Variants in LUZP2 observed in about 807,000 individuals in gnomAD.
LUZP2 encodes the protein leucine zipper protein 2.
Under a neutral mutation model 51.6 loss-of-function variants are expected in LUZP2, and 52 were observed. The ratio of observed to expected loss-of-function variants is 1.01; its 90% CI spans 0.81 to 1.27. The LOEUF (loss-of-function observed/expected upper bound fraction) is 1.27. Among genes scored for constraint, LUZP2 ranks in the 50% most tolerant of loss-of-function variants. The probability of loss-of-function intolerance (pLI) is 0.00; values close to 1 mark genes in which losing one functional copy is unlikely to be tolerated. For synonymous variants in LUZP2, 154 were observed against 137.3 expected, an observed-to-expected ratio of 1.12 and a Z score of -0.85; for missense variants, 436 against 395.4, an observed-to-expected ratio of 1.10 and a Z score of -0.87.
chr11:25,074,793 G>A lies in LUZP2; in HGVS notation c.859-2536G>A, dbSNP rs545796803. On this transcript the variant is annotated intron_variant, in intron 10 of 11. Coordinates refer to ENST00000336930, the MANE Select transcript of LUZP2 (RefSeq NM_001009909.4). Reference sequence around the variant, plus strand: ...TATAGGACAGAATTATCACCCTGGTGTGTTTTTTTAGCAGTCACCTCCTGT... The same window carrying A: ...TATAGGACAGAATTATCACCCTGGTATGTTTTTTTAGCAGTCACCTCCTGT... Among the ~76,000 whole-genome samples, 25 of 152,218 alleles carry A rather than the reference G, an allele frequency of 1.6e-4. No individual in the cohort carries two copies. In the South Asian group the frequency reaches 4.8e-3, roughly 29 times the overall value.
intron 1 of LUZP2, among the ~76,000 whole-genome samples, chr11:24,692,051 T>C (rs1857085325): frequency 6.6e-6 from 1 of 152,082 alleles, no homozygotes; most frequent in African/African-American, 2.4e-5. Context: ...ATATAGATTA[T>C]TTCTGAATAG....
At position 24,655,889 on chromosome 11, in the gene LUZP2, G is replaced by A. The variant is rs745369271; in HGVS notation, c.63-73280G>A. On this transcript the variant is annotated intron_variant, in intron 1 of 11. Transcript: ENST00000336930. ...TGGGCATTTGGTAAGTGAGATACGAGTATGATAGCTCTGTTTTTCCCTAAC... is the reference window on the plus strand; with the variant it reads ...TGGGCATTTGGTAAGTGAGATACGAATATGATAGCTCTGTTTTTCCCTAAC... Among the ~76,000 whole-genome samples the A allele has an allele frequency of 2.6e-5, 4 of 152,304 alleles. No homozygotes were observed. The East Asian group carries it at 7.7e-4, about 29-fold the overall frequency.
At chr11:24,799,045 G>T (rs189671331) in intron 5 of LUZP2, among the ~76,000 whole-genome samples, 6 of 152,232 alleles carry the variant, frequency 3.9e-5, no homozygotes, top group Admixed American at 2.0e-4. Flanking sequence ...TGTAGAGAAA[G>T]CTGTTTTATA....
intron 1 of LUZP2, among the ~76,000 whole-genome samples, chr11:24,684,938 T>C (rs1856852512): frequency 6.6e-6 from 1 of 152,146 alleles, no homozygotes; most frequent in Non-Finnish European, 1.5e-5. Context: ...TGGGAGTGTT[T>C]TCCCTCATTT....
chr11:24,518,844 GA>G (rs1850556434), intron 1 of LUZP2, among the ~76,000 whole-genome samples: 1 of 152,184 alleles, frequency 6.6e-6, no homozygotes, highest in Non-Finnish European at 1.5e-5. Context: ...CTTTTATAGA[GA>G]AAGTTTCTAT....
intron 9 of LUZP2, among the ~76,000 whole-genome samples, chr11:25,026,381 G>C (rs890139022): frequency 5.9e-5 from 9 of 152,018 alleles, no homozygotes; most frequent in Admixed American, 2.0e-4. Flanking sequence ...AAAATTGAAT[G>C]CTTAACATTT....
At chr11:24,956,344 A>G (rs996791999) in intron 7 of LUZP2, among the ~76,000 whole-genome samples, 32 of 152,042 alleles carry the variant, frequency 2.1e-4, no homozygotes, top group African/African-American at 7.5e-4. Context: ...GATTGCTGAC[A>G]CCTTGACTTT....
intron 1 of LUZP2, among the ~76,000 whole-genome samples, chr11:24,668,141 A>G (rs1856277820): frequency 6.6e-6 from 1 of 152,230 alleles, no homozygotes; most frequent in South Asian, 2.1e-4. Context: ...TGCATAGTGC[A>G]TATGAAAGTT....
Position 25,036,999 on chromosome 11 carries a change from G to A in LUZP2, c.766-13039G>A, listed in dbSNP as rs77518366. The stretch of plus-strand genomic sequence containing the variant: ...TAGACAAGCGTCAAGTTTTAGACTA[G>A]AATCTCTTTTTTAGCTTTCTGCCTC... On this transcript the variant is annotated intron_variant, in intron 9 of 11. Transcript: ENST00000336930. Among the ~76,000 whole-genome samples the A allele has an allele frequency of 9.6e-3, 1,458 of 152,228 alleles. 22 individuals carry two copies. The highest frequency in any genetic ancestry group is 0.033 in the African/African-American group (1,391 of 41,556).
chr11:25,019,040 T>C (rs12360600), intron 9 of LUZP2, among the ~76,000 whole-genome samples: 88,564 of 151,680 alleles, frequency 0.58, 27,044 homozygotes, highest in African/African-American at 0.77. Context: ...TTATCAACAT[T>C]TTACGCCAGA....
intron 1 of LUZP2, among the ~76,000 whole-genome samples, chr11:24,676,148 C>T (rs1856543963): frequency 1.3e-5 from 2 of 152,054 alleles, no homozygotes; most frequent in Admixed American, 6.6e-5. Flanking sequence ...GAAAAATCAA[C>T]ACAATGCTAA....
intron 1 of LUZP2, among the ~76,000 whole-genome samples, chr11:24,728,696 C>G (rs528016636): frequency 1.3e-5 from 2 of 152,070 alleles, no homozygotes; most frequent in South Asian, 4.1e-4. Context: ...TCTCCTGCTC[C>G]CCAGTTAGAA....
rs560094823 is a variant in LUZP2 at position 25,049,385 on chromosome 11, C to T, written c.766-653C>T. ...TGGATAATCTTAAACCTACCTATAGCGGTATTTCTATACAACAATTAGGGC... is the reference window on the plus strand; with the variant it reads ...TGGATAATCTTAAACCTACCTATAGTGGTATTTCTATACAACAATTAGGGC... On this transcript the variant is annotated intron_variant, in intron 9 of 11. Coordinates refer to ENST00000336930, the MANE Select transcript of LUZP2 (RefSeq NM_001009909.4). Among the ~76,000 whole-genome samples the T allele has an allele frequency of 9.5e-4, 145 of 152,286 alleles. 3 individuals are homozygous for T. The South Asian group carries it at 0.029, about 31-fold the overall frequency.
intron 1 of LUZP2, among the ~76,000 whole-genome samples, chr11:24,596,456 G>C (rs913667995): frequency 3.3e-5 from 5 of 151,782 alleles, no homozygotes; most frequent in Admixed American, 3.3e-4. Flanking sequence ...TCTAAGGAGG[G>C]TATTTCCAGT....
At chr11:25,040,025 C>T (rs1241689036) in intron 9 of LUZP2, among the ~76,000 whole-genome samples, 1 of 151,716 alleles carries the variant, frequency 6.6e-6, no homozygotes, top group South Asian at 2.1e-4. Flanking sequence ...ACCCTCACAC[C>T]CCCTCTATAT....
rs58991994 is a variant in LUZP2 at position 24,936,540 on chromosome 11, ATT to A, written c.522+22012_522+22013del. The stretch of plus-strand genomic sequence containing the variant: ...TTAAGGTTCACAAAAGAGTAAGGCA[ATT>A]TTTTTTTTTCCTTATACAATAATGA... On this transcript the variant is annotated intron_variant, in intron 7 of 11. Coordinates refer to ENST00000336930, the MANE Select transcript of LUZP2 (RefSeq NM_001009909.4). Among the ~76,000 whole-genome samples, 27 of 150,218 alleles carry A rather than the reference ATT, an allele frequency of 1.8e-4. No individual in the cohort carries two copies. The East Asian group carries it at 2.4e-3, about 13-fold the overall frequency.
intron 1 of LUZP2, among the ~76,000 whole-genome samples, chr11:24,690,366 T>A (rs191800762): frequency 1.2e-4 from 18 of 152,244 alleles, no homozygotes; most frequent in African/African-American, 4.3e-4. Context: ...TTTGTTTTAA[T>A]TTCACTTTTA....
intron 5 of LUZP2, among the ~76,000 whole-genome samples, chr11:24,889,556 G>A (rs978471190): frequency 1.3e-5 from 2 of 152,328 alleles, no homozygotes; most frequent in East Asian, 1.9e-4. Flanking sequence ...TAAATTGTCT[G>A]AGGATCAGAA....
chr11:25,026,901 T>TC (rs397791447), intron 9 of LUZP2, among the ~76,000 whole-genome samples: 20 of 148,800 alleles, frequency 1.3e-4, no homozygotes, highest in African/African-American at 4.9e-4. Context: ...TTTATTTTTT[T>TC]ATTATTATAC....
Sources: gnomAD v4.1 joint callset for allele counts (sites outside exome capture counted in the v4.1 genomes callset) on GRCh38, gnomAD v4.1.1 for gene constraint, MANE v1.5 for transcripts, NCBI Gene and HGNC (gene_info 2026-07-23, HGNC 2026-07-21) for gene names.